The following TTLL11 variants were observed in gnomAD, a reference collection of about 807,000 sequenced individuals.
TTLL11 encodes tubulin tyrosine ligase like 11, also known as tubulin polyglutamylase TTLL11.
In TTLL11, 42 loss-of-function variants were observed where a neutral mutation model predicts 51.7. The observed-to-expected ratio is 0.81, with a 90% CI of 0.64 to 1.05. TTLL11 has a LOEUF of 1.05. Among genes scored for constraint, TTLL11 ranks in the 50% least tolerant of loss-of-function variants. The pLI is 0.00. For missense variants in TTLL11, 799 were observed against 940.4 expected (o/e 0.85, Z 1.97); for synonymous variants, 381 against 383.5 (o/e 0.99, Z 0.08).
chr9:122,074,160 G>A (rs1353442622), intron 1 of TTLL11, among the ~76,000 whole-genome samples: 1 of 151,948 alleles, frequency 6.6e-6, no homozygotes, highest in African/African-American at 2.4e-5. Flanking sequence ...TATAATACCA[G>A]CAAGTTGGGA....
chr9:121,920,622 C>T (rs776116193), intron 6 of TTLL11, among the ~76,000 whole-genome samples: 24 of 152,212 alleles, frequency 1.6e-4, no homozygotes, highest in Non-Finnish European at 3.1e-4. Context: ...TAATAAGCTT[C>T]GTACCTGAAG....
At chr9:122,071,400 C>G (rs2131894388) in intron 1 of TTLL11, among the ~76,000 whole-genome samples, 1 of 152,294 alleles carries the variant, frequency 6.6e-6, no homozygotes, top group East Asian at 1.9e-4. Context: ...TCAGCTGCCC[C>G]CTGGGTCGCT....
intron 3 of TTLL11, among the ~76,000 whole-genome samples, chr9:122,016,541 G>T (rs1843987908): frequency 6.6e-6 from 1 of 152,148 alleles, no homozygotes; most frequent in Non-Finnish European, 1.5e-5. Flanking sequence ...TTTCTGCCTT[G>T]ACTCTGACCC....
At chr9:121,935,846 A>G (rs919889747) in intron 6 of TTLL11, among the ~76,000 whole-genome samples, 1 of 152,202 alleles carries the variant, frequency 6.6e-6, no homozygotes, top group African/African-American at 2.4e-5. Context: ...CAGGGAAATG[A>G]TGCGTGTCAT....
intron 7 of TTLL11, among the ~76,000 whole-genome samples, chr9:121,862,178 T>TA (rs1838032522): frequency 6.6e-6 from 1 of 151,490 alleles, no homozygotes; most frequent in Admixed American, 6.6e-5. Flanking sequence ...TCCCCAGCTT[T>TA]TTTTTTTTTT....
At chr9:121,856,368 T>C (rs1157502007) in intron 8 of TTLL11, among the ~76,000 whole-genome samples, 2 of 152,186 alleles carry the variant, frequency 1.3e-5, no homozygotes, top group Non-Finnish European at 2.9e-5. Context: ...CCACTGCTAC[T>C]GGCCCCCACT....
intron 2 of TTLL11, among the ~76,000 whole-genome samples, chr9:122,036,517 A>T (rs568122932): frequency 6.6e-6 from 1 of 152,000 alleles, no homozygotes; most frequent in African/African-American, 2.4e-5. Context: ...GATTATTTTC[A>T]TAGAAAGTCT....
chr9:121,826,217 T>TAA (rs1491163835), intron 8 of TTLL11, among the ~76,000 whole-genome samples: 1 of 58,114 alleles, frequency 1.7e-5, no homozygotes, highest in African/African-American at 7.4e-5. Context: ...TATATATATA[T>TAA]GCACACATAT....
chr9:121,828,825 T>C (rs905275901), intron 8 of TTLL11, among the ~76,000 whole-genome samples: 4 of 152,048 alleles, frequency 2.6e-5, no homozygotes, highest in Admixed American at 6.6e-5. Flanking sequence ...AGAGGCTGGG[T>C]GAGATGGCTT....
At chr9:122,059,512 G>C (rs1291855849) in intron 1 of TTLL11, among the ~76,000 whole-genome samples, 1 of 152,270 alleles carries the variant, frequency 6.6e-6, no homozygotes, top group Middle Eastern at 3.4e-3. Context: ...AATGACTCTA[G>C]AGATGAATGA....
At chr9:121,913,614 G>A (rs575504379) in intron 6 of TTLL11, among the ~76,000 whole-genome samples, 82 of 152,260 alleles carry the variant, frequency 5.4e-4, no homozygotes, top group African/African-American at 1.9e-3. Flanking sequence ...CCCCAGACAG[G>A]CTCAACATCT....
chr9:121,948,744 G>A (rs901999959), intron 6 of TTLL11, among the ~76,000 whole-genome samples: 2 of 152,212 alleles, frequency 1.3e-5, no homozygotes, highest in Non-Finnish European at 2.9e-5. Flanking sequence ...TAGCTGCCAA[G>A]CATGTGCGCT....
At position 121,989,654 on chromosome 9, in the gene TTLL11, C is replaced by G; in HGVS notation, c.810G>C (p.Leu270=). The part of the protein sequence containing the change: ...YLIKDPSDIR[L]AGTLQSRPAV... ...CTGGCCTGCTCTGGAGGGTCCCTGC[C>G]AGGCGGATGTCACTGGGGTCTTTAA... Residue 270 remains leucine (L), a synonymous_variant, in exon 4 of 9, where the codon CTG becomes CTC. Transcript: ENST00000321582. The surrounding 1 kb of genome is among the most constrained non-coding windows in gnomAD (Gnocchi z 4.2). 6.2e-7 allele frequency: 1 copy of G among 1,614,164 alleles called. No individual in the cohort carries two copies. Among genetic ancestry groups the G allele is most frequent in the Non-Finnish European group, 8.5e-7 (1 of 1,180,038 alleles).
intron 2 of TTLL11, among the ~76,000 whole-genome samples, chr9:122,038,350 A>G (rs186050841): frequency 1.3e-5 from 2 of 152,292 alleles, no homozygotes; most frequent in Admixed American, 1.3e-4. Context: ...TCAGCCATCA[A>G]AAATAATGAA....
rs1422911386 is a variant in TTLL11 at position 122,003,314 on chromosome 9, A to G, written c.694-13544T>C. 3.9e-5 allele frequency among the ~76,000 whole-genome samples: 6 copies of G among 152,072 alleles called. No individual in the cohort carries two copies. The South Asian group carries it at 1.2e-3, about 32-fold the overall frequency. ...GGGACATCAATAGGCACTCATACAT[A>G]TTCAGATTAATAATGTGGACTGATT... On this transcript the variant is annotated intron_variant, in intron 3 of 8. Transcript: ENST00000321582.
At chr9:121,851,088 C>G (rs1588069304) in intron 8 of TTLL11, among the ~76,000 whole-genome samples, 1 of 152,260 alleles carries the variant, frequency 6.6e-6, no homozygotes, top group East Asian at 1.9e-4. Context: ...AAGAGCCAGT[C>G]TGAAAAGGCT....
At chr9:121,897,360 C>A (rs978577104) in intron 6 of TTLL11, among the ~76,000 whole-genome samples, 3 of 152,164 alleles carry the variant, frequency 2.0e-5, no homozygotes, top group African/African-American at 7.2e-5. Context: ...ACCTGAGCAG[C>A]CTGAGCCGCT....
At chr9:122,025,181 T>G (rs956068917) in intron 3 of TTLL11, among the ~76,000 whole-genome samples, 2 of 151,732 alleles carry the variant, frequency 1.3e-5, no homozygotes, top group Admixed American at 6.6e-5. Context: ...GCAAAACATG[T>G]GAACAGACAT....
chr9:122,055,881 C>G (rs1845280096), intron 1 of TTLL11, among the ~76,000 whole-genome samples: 1 of 152,208 alleles, frequency 6.6e-6, no homozygotes, highest in Non-Finnish European at 1.5e-5. Context: ...GAGGGTGTTC[C>G]CTCAGGAGGA....
Sources: gnomAD v4.1 joint callset for allele counts (sites outside exome capture counted in the v4.1 genomes callset) on GRCh38, gnomAD v4.1.1 for gene constraint, Gnocchi (gnomAD v3.1) non-coding constraint, MANE v1.5 for transcripts, NCBI Gene and HGNC (gene_info 2026-07-23, HGNC 2026-07-21) for gene names.